The following FBP1 variants were observed in gnomAD, a reference collection of about 807,000 sequenced individuals.
The protein encoded by FBP1 is fructose-bisphosphatase 1.
In FBP1, 22 loss-of-function variants were observed where a neutral mutation model predicts 29.9. The observed-to-expected ratio is 0.74, with a 90% CI of 0.53 to 1.05. FBP1 has a LOEUF of 1.05. Ranked by LOEUF, FBP1 falls within the 50% of genes least tolerant of loss-of-function variation. The probability of loss-of-function intolerance (pLI) is 0.00; values close to 1 mark genes in which losing one functional copy is unlikely to be tolerated. For synonymous variants in FBP1, 175 were observed against 178.6 expected, an observed-to-expected ratio of 0.98 and a Z score of 0.16; for missense variants, 345 against 448.2, an observed-to-expected ratio of 0.77 and a Z score of 2.08.
intron 3 of FBP1, among the ~76,000 whole-genome samples, chr9:94,613,810 G>A (rs1183726617): frequency 6.6e-6 from 1 of 151,418 alleles, no homozygotes; most frequent in Non-Finnish European, 1.5e-5. Context: ...GGACGCAGTG[G>A]CTCACGCCTG....
chr9:94,631,039 A>G (rs1336265912), intron 1 of FBP1, among the ~76,000 whole-genome samples: 1 of 152,256 alleles, frequency 6.6e-6, no homozygotes, highest in Non-Finnish European at 1.5e-5. Context: ...GCAAAAGAAG[A>G]AAAAAGTGCT....
chr9:94,609,000 C>A (rs535106563), intron 4 of FBP1, among the ~76,000 whole-genome samples: 1 of 151,978 alleles, frequency 6.6e-6, no homozygotes, highest in African/African-American at 2.4e-5. Flanking sequence ...TAGGAGTTCG[C>A]GACCAGCCTG....
chr9:94,607,467 C>G (rs910262734), intron 4 of FBP1, among the ~76,000 whole-genome samples: 1 of 152,104 alleles, frequency 6.6e-6, no homozygotes, highest in African/African-American at 2.4e-5. Flanking sequence ...CCTTTCTGGG[C>G]GTTCTTATAG....
intron 1 of FBP1, among the ~76,000 whole-genome samples, chr9:94,638,012 G>A (rs988655778): frequency 1.3e-5 from 2 of 151,560 alleles, no homozygotes; most frequent in East Asian, 3.9e-4. Context: ...CTTGAACCTG[G>A]GAGGCAGAGG....
chr9:94,614,105 G>GGAAGAAGGAAGAAAAGGAAGAA, intron 3 of FBP1, among the ~76,000 whole-genome samples: 1 of 145,214 alleles, frequency 6.9e-6, no homozygotes, highest in Non-Finnish European at 1.5e-5. Flanking sequence ...GAAAGAAAAA[G>GGAAGAAGGAAGAAAAGGAAGAA]GAAGAAGGAA....
At chr9:94,639,725 C>CT (rs1828258240), upstream of FBP1, among the ~76,000 whole-genome samples, 1 of 148,732 alleles carries the variant, frequency 6.7e-6, no homozygotes, top group Admixed American at 6.7e-5. Flanking sequence ...TGGGCTGTCG[C>CT]CCCCCACACA....
intron 6 of FBP1, 83 bp from the exon 7 acceptor site, chr9:94,603,655 G>C: frequency 1.6e-6 from 2 of 1,230,520 alleles, no homozygotes; most frequent in Non-Finnish European, 1.2e-6. Flanking sequence ...AAAACATGCA[G>C]AGCTGGTGGG....
chr9:94,610,628 A>C (rs1827770190), intron 3 of FBP1, among the ~76,000 whole-genome samples: 1 of 152,220 alleles, frequency 6.6e-6, no homozygotes. Flanking sequence ...CCAGTGTTTT[A>C]ACCGTGATGC....
intron 1 of FBP1, among the ~76,000 whole-genome samples, chr9:94,637,399 CTTT>C (rs202217364): frequency 7.0e-6 from 1 of 142,846 alleles, no homozygotes; most frequent in Admixed American, 7.0e-5. Flanking sequence ...CATCATGCGT[CTTT>C]TTTTTTTTTT....
Position 94,610,050 on chromosome 9 carries a change from A to T in FBP1, c.438T>A (p.Asp146Glu), listed in dbSNP as rs1406454683. ...IFGIYRKKST[D>E]EPSEKDALQP... ...GCAGAGCATCCTTCTCAGAAGGCTCATCAGTTGATTTCTAGAGCAAGAAAG... is the reference window on the plus strand; with the variant it reads ...GCAGAGCATCCTTCTCAGAAGGCTCTTCAGTTGATTTCTAGAGCAAGAAAG... Residue 146 changes from aspartate to glutamate, a missense_variant, in exon 4 of 7, where the codon GAT (aspartate) becomes GAA (glutamate). By Grantham distance (45) the Asp-to-Glu change is conservative. Transcript: ENST00000375326. 6.2e-7 allele frequency: 1 copy of T among 1,614,162 alleles called. No individual in the cohort carries two copies. The highest frequency in any genetic ancestry group is 8.5e-7 in the Non-Finnish European group (1 of 1,179,986).
Position 94,639,352 on chromosome 9 carries a change from A to G in FBP1, c.-42T>C. The G allele has an allele frequency of 1.3e-6, 2 of 1,581,850 alleles. No individual in the cohort carries two copies. The highest frequency in any genetic ancestry group is 1.7e-6 in the Non-Finnish European group (2 of 1,164,030). On this transcript the variant is annotated 5_prime_UTR_variant, in exon 1 of 7. Transcript: ENST00000375326. ...GCGCGGGGCTGCAGGTGCAAGCGGCAGGTGCGGGGCTGCAGGTGCGGGCGG... is the reference window on the plus strand; with the variant it reads ...GCGCGGGGCTGCAGGTGCAAGCGGCGGGTGCGGGGCTGCAGGTGCGGGCGG...
At chr9:94,638,954 C>A (rs1828239910) in intron 1 of FBP1, among the ~76,000 whole-genome samples, 187 bp downstream of exon 1, 1 of 152,166 alleles carries the variant, frequency 6.6e-6, no homozygotes, top group Admixed American at 6.5e-5. Context: ...GAGATGAGGA[C>A]TTGAGTGAGG....
chr9:94,612,433 C>T (rs571117964), intron 3 of FBP1, among the ~76,000 whole-genome samples: 14 of 152,230 alleles, frequency 9.2e-5, no homozygotes, highest in African/African-American at 1.9e-4. Context: ...TACACTTCCT[C>T]GCACGGAATA....
intron 3 of FBP1, among the ~76,000 whole-genome samples, chr9:94,612,168 T>G (rs973356468): frequency 5.3e-5 from 8 of 152,184 alleles, no homozygotes; most frequent in Non-Finnish European, 1.0e-4. Flanking sequence ...ATGGCCTTTG[T>G]CAACATGCGC....
intron 1 of FBP1, among the ~76,000 whole-genome samples, chr9:94,633,851 C>A (rs981128528): frequency 3.3e-5 from 5 of 151,700 alleles, no homozygotes; most frequent in African/African-American, 1.2e-4. Flanking sequence ...ATTACAGGCG[C>A]CCGCCACCAC....
At chr9:94,627,836 T>C (rs1021707250) in intron 1 of FBP1, among the ~76,000 whole-genome samples, 4 of 152,032 alleles carry the variant, frequency 2.6e-5, no homozygotes, top group Non-Finnish European at 4.4e-5. Flanking sequence ...AAAAAAGCCC[T>C]CCCCAGGCCA....
At chr9:94,636,989 C>T (rs796918606) in intron 1 of FBP1, among the ~76,000 whole-genome samples, 3 of 152,066 alleles carry the variant, frequency 2.0e-5, no homozygotes, top group African/African-American at 4.8e-5. Flanking sequence ...CACACCCAGT[C>T]GACAAGCCCT....
intron 1 of FBP1, among the ~76,000 whole-genome samples, chr9:94,632,303 C>G (rs1356420177): frequency 1.3e-5 from 2 of 152,100 alleles, no homozygotes; most frequent in Non-Finnish European, 2.9e-5. Flanking sequence ...TGGACTCTCT[C>G]CCTGCTGATA....
chr9:94,634,674 G>A (rs887993562), intron 1 of FBP1, among the ~76,000 whole-genome samples: 3 of 152,202 alleles, frequency 2.0e-5, no homozygotes, highest in African/African-American at 7.2e-5. Flanking sequence ...TGGATGGAGG[G>A]AGCCAGAAGC....
Sources: allele counts gnomAD v4.1 joint callset (sites outside exome capture counted in the v4.1 genomes callset), GRCh38; gene constraint gnomAD v4.1.1; transcripts MANE v1.5; gene names NCBI Gene and HGNC (gene_info 2026-07-23, HGNC 2026-07-21).